Variants in LEKR1 observed in about 807,000 individuals in gnomAD.
LEKR1 encodes the protein leucine, glutamate and lysine rich 1, also known as protein LEKR1.
Under a neutral mutation model 72.4 loss-of-function variants are expected in LEKR1, and 59 were observed. That is an observed-to-expected ratio of 0.82 (90% CI 0.66 to 1.01). The LOEUF is 1.01. Ranked by LOEUF, LEKR1 falls within the 50% of genes least tolerant of loss-of-function variation. LEKR1 has a pLI of 0.00. For synonymous variants in LEKR1, 257 were observed against 263.2 expected (o/e 0.98, Z 0.23); for missense variants, 728 against 759.2 (o/e 0.96, Z 0.48).
chr3:156,984,251 T>A (rs568214994), intron 7 of LEKR1, among the ~76,000 whole-genome samples: 1 of 152,232 alleles, frequency 6.6e-6, no homozygotes, highest in Non-Finnish European at 1.5e-5. Flanking sequence ...GAAATTCTTA[T>A]CTCACTCTAT....
At chr3:156,835,525 A>G (rs1712994721) in intron 2 of LEKR1, among the ~76,000 whole-genome samples, 1 of 152,242 alleles carries the variant, frequency 6.6e-6, no homozygotes, top group South Asian at 2.1e-4. Flanking sequence ...GGTGTATCTC[A>G]TTGCAAGGAC....
chr3:156,990,927 A>G (rs144563274), intron 7 of LEKR1, among the ~76,000 whole-genome samples: 1 of 152,262 alleles, frequency 6.6e-6, no homozygotes, highest in Non-Finnish European at 1.5e-5. Context: ...CTCATGTGCT[A>G]CTTGATTGTA....
chr3:157,023,514 T>C (rs968314408), intron 10 of LEKR1, among the ~76,000 whole-genome samples: 2 of 152,200 alleles, frequency 1.3e-5, no homozygotes, highest in Non-Finnish European at 2.9e-5. Flanking sequence ...ATGGAGTCAG[T>C]AGTAGAGACT....
At chr3:156,964,186 G>A (rs1193390431) in intron 6 of LEKR1, among the ~76,000 whole-genome samples, 2 of 152,072 alleles carry the variant, frequency 1.3e-5, no homozygotes, top group East Asian at 3.8e-4. Context: ...ATAAACATTT[G>A]ATGTGAATCC....
chr3:156,960,704 ATGT>A lies in LEKR1; in HGVS notation c.745+17991_745+17993del, dbSNP rs1424625075. Among the ~76,000 whole-genome samples the A allele has an allele frequency of 4.5e-3, 678 of 152,240 alleles. 2 individuals carry two copies. Among genetic ancestry groups the A allele is most frequent in the African/African-American group, 0.016 (655 of 41,542 alleles). Reference sequence around the variant, plus strand: ...TAGAGATGCTCAAAAATTTAAATACATGTGTTAATTCTGGTGCATATAGTTTAA... The same window carrying A: ...TAGAGATGCTCAAAAATTTAAATACAGTTAATTCTGGTGCATATAGTTTAA... On this transcript the variant is annotated intron_variant, in intron 6 of 12. Transcript: ENST00000356539.
At chr3:157,013,264 A>G (rs1358482400) in intron 10 of LEKR1, among the ~76,000 whole-genome samples, 2 of 152,010 alleles carry the variant, frequency 1.3e-5, no homozygotes, top group African/African-American at 4.8e-5. Context: ...CTTTTGTAGA[A>G]ATTTCCCATC....
intron 3 of LEKR1, among the ~76,000 whole-genome samples, chr3:156,871,234 A>C (rs1373467870): frequency 6.6e-6 from 1 of 151,588 alleles, no homozygotes; most frequent in Non-Finnish European, 1.5e-5. Flanking sequence ...GCGATAGTTT[A>C]CTGAGAATGA....
At chr3:156,967,423 TC>T (rs1728730186) in intron 6 of LEKR1, among the ~76,000 whole-genome samples, 3 of 151,692 alleles carry the variant, frequency 2.0e-5, no homozygotes, top group Non-Finnish European at 4.4e-5. Context: ...TGCAGAGAAG[TC>T]CTTAAAGGAC....
At chr3:156,869,940 G>T (rs918964994) in intron 3 of LEKR1, among the ~76,000 whole-genome samples, 1 of 151,850 alleles carries the variant, frequency 6.6e-6, no homozygotes, top group Non-Finnish European at 1.5e-5. Flanking sequence ...CAATTTTCCC[G>T]GTACCATTTA....
intron 10 of LEKR1, chr3:157,017,548 C>T (rs1436079799): frequency 1.3e-5 from 2 of 152,186 alleles, no homozygotes; most frequent in African/African-American, 4.8e-5. Flanking sequence ...ATACGAGTAG[C>T]TGTGCTCCTC....
chr3:156,837,205 C>T (rs1713263665), intron 2 of LEKR1, among the ~76,000 whole-genome samples: 1 of 152,148 alleles, frequency 6.6e-6, no homozygotes, highest in African/African-American at 2.4e-5. Context: ...GAGGAGATAT[C>T]TCCATCGTCC....
At chr3:156,941,748 T>C (rs1726229357) in intron 5 of LEKR1, among the ~76,000 whole-genome samples, 1 of 152,096 alleles carries the variant, frequency 6.6e-6, no homozygotes, top group Non-Finnish European at 1.5e-5. Flanking sequence ...TTTATCTTTG[T>C]TGAGTGTGTG....
chr3:156,859,375 T>TA (rs1382900498), intron 3 of LEKR1, among the ~76,000 whole-genome samples: 1 of 152,186 alleles, frequency 6.6e-6, no homozygotes, highest in African/African-American at 2.4e-5. Context: ...AACACTGGAT[T>TA]AAAAAAATTA....
chr3:156,857,841 G>C (rs1402344279), intron 3 of LEKR1, among the ~76,000 whole-genome samples: 2 of 152,182 alleles, frequency 1.3e-5, no homozygotes, highest in African/African-American at 4.8e-5. Flanking sequence ...TTGGCCTATA[G>C]TTTTCTTGTG....
intron 12 of LEKR1, among the ~76,000 whole-genome samples, chr3:157,045,086 C>G (rs1243267791): frequency 6.6e-6 from 1 of 152,182 alleles, no homozygotes; most frequent in African/African-American, 2.4e-5. Flanking sequence ...GGACAGGTCA[C>G]TCAGTCTCTG....
intron 9 of LEKR1, among the ~76,000 whole-genome samples, chr3:156,996,347 CT>C (rs151088485): frequency 0.012 from 1,814 of 152,080 alleles, 38 homozygotes; most frequent in African/African-American, 0.042. Flanking sequence ...CAGGGAGGAA[CT>C]TTTACAAGCA....
chr3:157,014,178 C>A (rs975690502), intron 10 of LEKR1, among the ~76,000 whole-genome samples: 2 of 151,962 alleles, frequency 1.3e-5, no homozygotes, highest in Non-Finnish European at 2.9e-5. Flanking sequence ...ATGATCAAAT[C>A]GCATTATTTA....
intron 2 of LEKR1, among the ~76,000 whole-genome samples, chr3:156,842,461 G>T (rs1293010491): frequency 6.6e-6 from 1 of 152,062 alleles, no homozygotes; most frequent in Admixed American, 6.6e-5. Flanking sequence ...GGCAAGGAAG[G>T]TGAGTGTAGA....
At chr3:156,955,039 T>A (rs1727497196) in intron 6 of LEKR1, among the ~76,000 whole-genome samples, 1 of 152,046 alleles carries the variant, frequency 6.6e-6, no homozygotes, top group South Asian at 2.1e-4. Flanking sequence ...CCTTGAGCAG[T>A]CATTTGTAGT....
Sources: allele counts gnomAD v4.1 joint callset (sites outside exome capture counted in the v4.1 genomes callset), GRCh38; gene constraint gnomAD v4.1.1; transcripts MANE v1.5; gene names NCBI Gene and HGNC (gene_info 2026-07-23, HGNC 2026-07-21).